EFR3B: variants seen among roughly 807,000 people sequenced by gnomAD.
The protein encoded by EFR3B is protein EFR3 homolog B.
A neutral mutation model predicts 104.7 loss-of-function variants in EFR3B; 64 were observed. That is an observed-to-expected ratio of 0.61 (90% CI 0.50 to 0.75). The LOEUF is 0.75. EFR3B is among the 30% of genes least tolerant of loss of function. The pLI is 0.00. For synonymous variants in EFR3B, 385 were observed against 417.9 expected (o/e 0.92, Z 0.96); for missense variants, 750 against 1,078.5 (o/e 0.70, Z 4.27).
At position 25,130,745 on chromosome 2, in the gene EFR3B, T is replaced by G. The variant is rs1670305346; in HGVS notation, c.849+115T>G. The G allele has an allele frequency of 1.1e-6, 1 of 943,466 alleles. No homozygotes were observed. The highest frequency in any genetic ancestry group is 1.7e-6 in the Non-Finnish European group (1 of 603,654). 58.4% of individuals were successfully genotyped at this position (943,466 alleles called of 1,614,324 possible). ...CTGTGACTCCTCCGAAGCCCCCAGT[T>G]GCCGAAACCAGTGCTGCTTAAGCTA... On this transcript the variant is annotated intron_variant, in intron 8 of 22. Coordinates refer to ENST00000403714, the MANE Select transcript of EFR3B (RefSeq NM_014971.2). This position sits in a 1 kb window ranked among gnomAD's most constrained non-coding sequence, Gnocchi z 4.6.
At chr2:25,051,427 T>TAA (rs919184226) in intron 1 of EFR3B, among the ~76,000 whole-genome samples, 1 of 151,614 alleles carries the variant, frequency 6.6e-6, no homozygotes, top group African/African-American at 2.4e-5. Flanking sequence ...ATTTCTCTTT[T>TAA]GATGGATGAT....
intron 10 of EFR3B, among the ~76,000 whole-genome samples, chr2:25,132,617 A>T (rs935416171): frequency 3.7e-5 from 3 of 80,084 alleles, no homozygotes; most frequent in Admixed American, 1.6e-4. Context: ...CCCTGGTCCC[A>T]GGGCCCAGCA....
intron 4 of EFR3B, among the ~76,000 whole-genome samples, chr2:25,116,845 C>T (rs1669874143): frequency 6.6e-6 from 1 of 152,008 alleles, no homozygotes; most frequent in Non-Finnish European, 1.5e-5. Flanking sequence ...AAGGGATTAC[C>T]ACTTATGTTT....
At chr2:25,153,078 G>A (rs1283227810) in intron 21 of EFR3B, among the ~76,000 whole-genome samples, 1 of 151,822 alleles carries the variant, frequency 6.6e-6, no homozygotes, top group African/African-American at 2.4e-5. Context: ...CACAGGCTGG[G>A]CACAGTGGCT....
intron 4 of EFR3B, 54 bp from the exon 5 acceptor site, chr2:25,121,619 G>C: frequency 6.5e-7 from 1 of 1,548,178 alleles, no homozygotes; most frequent in Non-Finnish European, 8.7e-7. Context: ...GCCCAGCAGT[G>C]AGAAGCATGG....
chr2:25,115,395 C>A (rs563679169), intron 4 of EFR3B, among the ~76,000 whole-genome samples: 2 of 152,148 alleles, frequency 1.3e-5, no homozygotes, highest in Non-Finnish European at 2.9e-5. Context: ...CTGTCGCAAG[C>A]GGGTTGAGCT....
intron 1 of EFR3B, among the ~76,000 whole-genome samples, chr2:25,065,346 ATT>A (rs749717958): frequency 0.27 from 24,765 of 93,094 alleles, 2,470 homozygotes; most frequent in East Asian, 0.43. Context: ...ACACCCAGCT[ATT>A]TTTTTTTTTT....
chr2:25,063,235 T>TGGCCGAAGGATTGATTTTTCCATTTC (rs1317278852), intron 1 of EFR3B, among the ~76,000 whole-genome samples: 7 of 152,298 alleles, frequency 4.6e-5, no homozygotes, highest in African/African-American at 1.7e-4. Flanking sequence ...CCACTGTGCC[T>TGGCCGAAGGATTGATTTTTCCATTTC]GGCCGAAGGA....
At chr2:25,115,121 C>T (rs1423440400) in intron 4 of EFR3B, among the ~76,000 whole-genome samples, 3 of 152,154 alleles carry the variant, frequency 2.0e-5, no homozygotes, top group Non-Finnish European at 4.4e-5. Flanking sequence ...GTCAAGGCTG[C>T]AGTGAGCCGT....
chr2:25,047,966 A>G (rs969285143), intron 1 of EFR3B, among the ~76,000 whole-genome samples: 1 of 152,312 alleles, frequency 6.6e-6, no homozygotes, highest in South Asian at 2.1e-4. Context: ...TAAACAATAT[A>G]ACATTTACTG....
At chr2:25,045,360 T>C (rs1667686076) in intron 1 of EFR3B, among the ~76,000 whole-genome samples, 1 of 152,254 alleles carries the variant, frequency 6.6e-6, no homozygotes. Flanking sequence ...CACAGTTTTG[T>C]GTGGGAATCC....
At chr2:25,068,633 G>GTT (rs34036647) in intron 1 of EFR3B, among the ~76,000 whole-genome samples, 2,183 of 143,572 alleles carry the variant, frequency 0.015, 42 homozygotes, top group Middle Eastern at 0.062. Flanking sequence ...TTTTTTTTAT[G>GTT]TTTTTTTTTT....
intron 4 of EFR3B, among the ~76,000 whole-genome samples, chr2:25,109,756 T>A (rs1329152451): frequency 6.6e-6 from 1 of 152,194 alleles, no homozygotes. Flanking sequence ...GTATAGGGTT[T>A]CCTTTTGGGG....
At chr2:25,087,902 A>T (rs1669002791) in intron 1 of EFR3B, among the ~76,000 whole-genome samples, 1 of 152,188 alleles carries the variant, frequency 6.6e-6, no homozygotes, top group African/African-American at 2.4e-5. Flanking sequence ...TTCCTATGTT[A>T]TCTTCAAGAA....
rs1326978374 is a variant in EFR3B at position 25,152,042 on chromosome 2, C to T, written c.2298+22C>T. ...CCGGGTAAGTGAAGCATGACATGGGCGAGTCCCTGGGAGCCAAGTCAAGAC... is the reference window on the plus strand; with the variant it reads ...CCGGGTAAGTGAAGCATGACATGGGTGAGTCCCTGGGAGCCAAGTCAAGAC... On this transcript the variant is annotated intron_variant, in intron 21 of 22. Transcript: ENST00000403714. 11 of 1,549,062 alleles carry T rather than the reference C, an allele frequency of 7.1e-6. No individual in the cohort carries two copies. In the South Asian group the frequency reaches 7.1e-5, roughly 10 times the overall value.
intron 6 of EFR3B, among the ~76,000 whole-genome samples, chr2:25,128,685 G>A (rs1670234976): frequency 3.3e-5 from 5 of 152,100 alleles, no homozygotes; most frequent in Admixed American, 3.3e-4. Context: ...TGGGCCGGGC[G>A]CGGTGGCTCA....
chr2:25,128,073 A>G, intron 5 of EFR3B, 110 bp from the exon 6 acceptor site: 1 of 1,308,818 alleles, frequency 7.6e-7, no homozygotes, highest in South Asian at 1.4e-5. Flanking sequence ...CTGCCTTCTG[A>G]TGGACAAATG....
intron 1 of EFR3B, among the ~76,000 whole-genome samples, chr2:25,064,345 G>C (rs928241848): frequency 5.9e-5 from 9 of 152,142 alleles, no homozygotes; most frequent in Admixed American, 1.3e-4. Context: ...ACTTACTCTT[G>C]ATCTCAATCA....
intron 1 of EFR3B, among the ~76,000 whole-genome samples, chr2:25,047,006 C>A (rs1405407749): frequency 6.6e-6 from 1 of 152,216 alleles, no homozygotes; most frequent in Admixed American, 6.5e-5. Context: ...CACTCCAACT[C>A]CTTTATTCCC....
Sources: gnomAD v4.1 joint callset for allele counts (sites outside exome capture counted in the v4.1 genomes callset) on GRCh38, gnomAD v4.1.1 for gene constraint, Gnocchi (gnomAD v3.1) non-coding constraint, MANE v1.5 for transcripts, NCBI Gene and HGNC (gene_info 2026-07-23, HGNC 2026-07-21) for gene names.